The following FAF1 variants were observed in gnomAD, a reference collection of about 807,000 sequenced individuals.
FAF1 encodes the protein FAS-associated factor 1.
Under a neutral mutation model 92.5 loss-of-function variants are expected in FAF1, and 25 were observed. The observed-to-expected ratio is 0.27, with a 90% confidence interval of 0.20 to 0.38. The LOEUF (loss-of-function observed/expected upper bound fraction) is 0.38. FAF1 is among the 10% of genes least tolerant of loss of function. The probability of loss-of-function intolerance (pLI) is 1.00; values close to 1 mark genes in which losing one functional copy is unlikely to be tolerated. For missense variants in FAF1, 636 were observed against 793.3 expected (o/e 0.80, Z 2.38); for synonymous variants, 234 against 273.2 (o/e 0.86, Z 1.42).
chr1:50,596,841 A>G (rs932306711), intron 8 of FAF1, among the ~76,000 whole-genome samples: 1 of 152,190 alleles, frequency 6.6e-6, no homozygotes. Flanking sequence ...CTGGTTAATA[A>G]AGAAGACAAT....
At chr1:50,618,000 T>A (rs755070274) in intron 8 of FAF1, among the ~76,000 whole-genome samples, 3 of 152,164 alleles carry the variant, frequency 2.0e-5, no homozygotes, top group Non-Finnish European at 4.4e-5. Flanking sequence ...TCAGTTGTAA[T>A]GTCATCTTTG....
chr1:50,651,701 C>T lies in FAF1; in HGVS notation c.744+3741G>A, dbSNP rs541387199. Among the ~76,000 whole-genome samples the T allele has an allele frequency of 3.3e-5, 5 of 152,266 alleles. No homozygotes were observed. The South Asian group carries it at 1.0e-3, about 32-fold the overall frequency. ...ATTTTTGTTGGTAACACATTTCAGG[C>T]TGTTTACACAGCTGACATTTCTCAG... On this transcript the variant is annotated intron_variant, in intron 8 of 18. Coordinates refer to ENST00000396153, the MANE Select transcript of FAF1 (RefSeq NM_007051.3).
intron 1 of FAF1, among the ~76,000 whole-genome samples, chr1:50,918,255 A>G (rs536212008): frequency 1.5e-5 from 2 of 131,628 alleles, no homozygotes; most frequent in Non-Finnish European, 1.6e-5. Context: ...GGTTAGTTAC[A>G]TATGTATACA....
At chr1:50,781,813 A>G (rs1319717458) in intron 4 of FAF1, among the ~76,000 whole-genome samples, 1 of 152,194 alleles carries the variant, frequency 6.6e-6, no homozygotes, top group Non-Finnish European at 1.5e-5. Context: ...CGCAACCAAA[A>G]TAAAATGAAG....
intron 15 of FAF1, among the ~76,000 whole-genome samples, chr1:50,532,701 C>A (rs531728539): frequency 3.3e-5 from 5 of 152,180 alleles, no homozygotes; most frequent in South Asian, 4.2e-4. Flanking sequence ...TAGAAGATAC[C>A]TAGTGAGCAT....
chr1:50,753,093 A>G (rs899496064), intron 4 of FAF1, among the ~76,000 whole-genome samples: 1 of 152,194 alleles, frequency 6.6e-6, no homozygotes, highest in Non-Finnish European at 1.5e-5. Context: ...TGAATCCAAC[A>G]ATGAAATCAC....
At chr1:50,819,921 T>C (rs1204046294) in intron 2 of FAF1, among the ~76,000 whole-genome samples, 6 of 148,916 alleles carry the variant, frequency 4.0e-5, no homozygotes, top group Non-Finnish European at 8.9e-5. Flanking sequence ...TATAAATAAA[T>C]ATTTTTCCAC....
At chr1:50,476,335 A>C (rs1646639498) in intron 17 of FAF1, among the ~76,000 whole-genome samples, 1 of 152,246 alleles carries the variant, frequency 6.6e-6, no homozygotes, top group Non-Finnish European at 1.5e-5. Context: ...TTATTGGCAG[A>C]AGGAGACCAC....
chr1:50,794,417 A>C (rs1473441239), intron 3 of FAF1, among the ~76,000 whole-genome samples: 3 of 152,224 alleles, frequency 2.0e-5, no homozygotes, highest in South Asian at 4.1e-4. Context: ...GGGAGAACTT[A>C]ATGTTGTACT....
intron 3 of FAF1, among the ~76,000 whole-genome samples, chr1:50,797,607 G>C (rs1360174467): frequency 6.6e-6 from 1 of 152,150 alleles, no homozygotes; most frequent in African/African-American, 2.4e-5. Flanking sequence ...GCTGAGGTGG[G>C]AGGATCACTT....
At chr1:50,696,107 A>C (rs2124405458) in intron 7 of FAF1, among the ~76,000 whole-genome samples, 1 of 152,278 alleles carries the variant, frequency 6.6e-6, no homozygotes, top group Middle Eastern at 3.4e-3. Context: ...TAACAATGGA[A>C]GAGGTATTAC....
At chr1:50,689,856 T>C (rs1656837416) in intron 7 of FAF1, among the ~76,000 whole-genome samples, 2 of 152,294 alleles carry the variant, frequency 1.3e-5, no homozygotes, top group Admixed American at 6.5e-5. Flanking sequence ...AATTAGCCTA[T>C]GTAGGGAGAG....
chr1:50,543,946 G>A (rs1292380369), intron 13 of FAF1, among the ~76,000 whole-genome samples: 3 of 152,060 alleles, frequency 2.0e-5, no homozygotes, highest in Non-Finnish European at 4.4e-5. Flanking sequence ...AGGTCAAGGG[G>A]GAAGTGGATC....
At chr1:50,814,840 C>T (rs914846950) in intron 2 of FAF1, among the ~76,000 whole-genome samples, 2 of 152,136 alleles carry the variant, frequency 1.3e-5, no homozygotes, top group African/African-American at 2.4e-5. Context: ...ATTAGGATGG[C>T]TACTATCACA....
chr1:50,609,305 A>G (rs1652585282), intron 8 of FAF1, among the ~76,000 whole-genome samples: 1 of 152,216 alleles, frequency 6.6e-6, no homozygotes, highest in Non-Finnish European at 1.5e-5. Flanking sequence ...CATTTCACAG[A>G]CAAGAAAAAT....
chr1:50,816,880 C>T (rs1409120364), intron 2 of FAF1, among the ~76,000 whole-genome samples: 2 of 152,116 alleles, frequency 1.3e-5, no homozygotes, highest in African/African-American at 4.8e-5. Flanking sequence ...TAGGGGTCTA[C>T]TTTCATTTTT....
rs572908979 is a variant in FAF1 at position 50,861,172 on chromosome 1, T to C, written c.46-3175A>G. ...TACCTCAAGCATCACACAATATATC[T>C]AGGTAATAAACTTCTATCTGTACTC... On this transcript the variant is annotated intron_variant, in intron 1 of 18. Transcript: ENST00000396153. Among the ~76,000 whole-genome samples the C allele has an allele frequency of 3.3e-5, 5 of 151,886 alleles. No homozygotes were observed. In the East Asian group the frequency reaches 9.7e-4, roughly 29 times the overall value.
intron 1 of FAF1, 137 bp downstream of exon 1, chr1:50,959,630 C>T: frequency 1.7e-6 from 1 of 584,228 alleles, no homozygotes; most frequent in Non-Finnish European, 3.0e-6. Context: ...GCCACACACA[C>T]ACACACACGC....
intron 8 of FAF1, among the ~76,000 whole-genome samples, chr1:50,623,138 T>C (rs1351443678): frequency 6.6e-6 from 1 of 152,170 alleles, no homozygotes; most frequent in African/African-American, 2.4e-5. Context: ...GCTCAATAAG[T>C]GCATCGAGTT....
Sources: allele counts gnomAD v4.1 joint callset (sites outside exome capture counted in the v4.1 genomes callset), GRCh38; gene constraint gnomAD v4.1.1; transcripts MANE v1.5; gene names NCBI Gene and HGNC (gene_info 2026-07-23, HGNC 2026-07-21).